Variants in NFATC1 observed in about 807,000 individuals in gnomAD.
NFATC1 encodes the protein nuclear factor of activated T cells 1, also known as nuclear factor of activated T-cells, cytoplasmic 1.
NFATC1 carries 22 observed loss-of-function variants against 76.0 expected under a neutral mutation model. The observed-to-expected ratio is 0.29, with a 90% CI of 0.21 to 0.41. The LOEUF (loss-of-function observed/expected upper bound fraction) is 0.41, where lower values mean the gene tolerates loss of function less well. NFATC1 is among the 10% of genes least tolerant of loss of function. NFATC1 has a pLI of 1.00. For synonymous variants in NFATC1, 704 were observed against 613.1 expected (o/e 1.15, Z -2.19); for missense variants, 1,357 against 1,337.7 (o/e 1.01, Z -0.23).
In NFATC1 at chr18:79,486,539, G is replaced by C; in HGVS notation, c.2384G>C (p.Gly795Ala). 6.3e-7 allele frequency: 1 copy of C among 1,597,704 alleles called. No homozygotes were observed. Among genetic ancestry groups the C allele is most frequent in the Non-Finnish European group, 8.5e-7 (1 of 1,177,364 alleles). ...HCHLGLPQPA[G>A]EAPAVQDVPR... ...CACCTCGGACTCCCGCAGCCGGCCG[G>C]AGAGGCCCCCGCCGTCCAGGACGTG... The change falls in exon 9 of 10, where the codon GGA becomes GCA. Residue 795 changes from glycine to alanine, a missense_variant. Gly to Ala is a moderately conservative substitution (Grantham distance 60, BLOSUM62 0). This residue lies in a region of NFATC1 where 424 missense variants were observed against 395.4 expected (regional missense o/e 1.07). Transcript: ENST00000427363.
At chr18:79,396,734 C>G (rs1264556463) in intron 1 of NFATC1, among the ~76,000 whole-genome samples, 2 of 151,938 alleles carry the variant, frequency 1.3e-5, no homozygotes, top group South Asian at 2.1e-4. Flanking sequence ...AAGGATGCCC[C>G]GTGTCTTCCT....
intron 2 of NFATC1, among the ~76,000 whole-genome samples, chr18:79,432,056 C>T (rs1029230768): frequency 1.6e-4 from 24 of 152,200 alleles, no homozygotes; most frequent in African/African-American, 5.8e-4. Context: ...GTGTGGGGGC[C>T]TTCGGGGGGC....
chr18:79,464,384 C>T (rs907003802), intron 7 of NFATC1, among the ~76,000 whole-genome samples: 4 of 152,146 alleles, frequency 2.6e-5, no homozygotes, highest in East Asian at 3.9e-4. Flanking sequence ...CGTGAGCCAC[C>T]GCGCCCGGCC....
At chr18:79,400,994 C>T (rs901104828) in intron 1 of NFATC1, among the ~76,000 whole-genome samples, 1 of 116,498 alleles carries the variant, frequency 8.6e-6, no homozygotes, top group East Asian at 2.5e-4. Flanking sequence ...GCAGACCCCC[C>T]CAAGCCTCCA....
chr18:79,527,242 GCATCGCGGCCGGCACCTGGCACCTGCA>G, intron 9 of NFATC1: 2 of 363,552 alleles, frequency 5.5e-6, no homozygotes, highest in South Asian at 8.1e-5. Context: ...CATCTTCCCA[GCATCGCGGCCGGCACCTGGCACCTGCA>G]CTTTGGCCGT....
At chr18:79,419,475 G>A (rs2085993343) in intron 2 of NFATC1, among the ~76,000 whole-genome samples, 2 of 148,658 alleles carry the variant, frequency 1.3e-5, no homozygotes, top group East Asian at 2.0e-4. Flanking sequence ...CTGCCTGCCC[G>A]GGAGCCCCCC....
intron 9 of NFATC1, among the ~76,000 whole-genome samples, chr18:79,518,160 G>C (rs1002855412): frequency 3.9e-5 from 6 of 152,254 alleles, no homozygotes; most frequent in African/African-American, 1.4e-4. Flanking sequence ...GACAGGGATG[G>C]AGCAGACTGC....
intron 2 of NFATC1, among the ~76,000 whole-genome samples, chr18:79,424,699 G>C (rs2086228522): frequency 7.1e-6 from 1 of 141,528 alleles, no homozygotes. Context: ...CTGTCTCTCT[G>C]TGTTTCTCTG....
At chr18:79,397,144 C>G (rs985625458) in intron 1 of NFATC1, among the ~76,000 whole-genome samples, 1 of 152,206 alleles carries the variant, frequency 6.6e-6, no homozygotes, top group Non-Finnish European at 1.5e-5. Context: ...AGCCCGTCCC[C>G]GGCACACACC....
intron 6 of NFATC1, 28 bp from the exon 7 acceptor site, chr18:79,461,281 TCA>T: frequency 6.2e-7 from 1 of 1,613,532 alleles, no homozygotes; most frequent in Non-Finnish European, 8.5e-7. Flanking sequence ...CCACACAGAG[TCA>T]CAGACGTTTC....
chr18:79,468,452 T>G (rs926642672), intron 8 of NFATC1: 1 of 152,234 alleles, frequency 6.6e-6, no homozygotes, highest in Non-Finnish European at 1.5e-5. Flanking sequence ...TACTGTATTT[T>G]GGGTAAGCTT....
intron 9 of NFATC1, among the ~76,000 whole-genome samples, chr18:79,514,256 A>G (rs578251070): frequency 1.2e-4 from 19 of 152,082 alleles, no homozygotes; most frequent in Non-Finnish European, 1.9e-4. Context: ...CTGGGGCAAC[A>G]TAGCAAGACC....
chr18:79,464,810 G>A (rs56018544), intron 7 of NFATC1, among the ~76,000 whole-genome samples: 45,355 of 148,746 alleles, frequency 0.3, 6,953 homozygotes, highest in East Asian at 0.36. Flanking sequence ...GGCTGAAGCA[G>A]TTCTCATGCC....
intron 1 of NFATC1, among the ~76,000 whole-genome samples, chr18:79,407,688 G>A (rs536263854): frequency 5.9e-5 from 9 of 152,084 alleles, no homozygotes; most frequent in Admixed American, 1.3e-4. Flanking sequence ...CAGATGATCC[G>A]CCCACCTCGG....
At chr18:79,433,882 C>G (rs964101495) in intron 3 of NFATC1, 144 bp downstream of exon 3, 1 of 914,978 alleles carries the variant, frequency 1.1e-6, no homozygotes, top group South Asian at 2.0e-5. Flanking sequence ...GGCTGCTCAC[C>G]GCCTCTGAGC....
At chr18:79,436,251 G>C (rs1205225712) in intron 3 of NFATC1, among the ~76,000 whole-genome samples, 1 of 152,260 alleles carries the variant, frequency 6.6e-6, no homozygotes, top group Non-Finnish European at 1.5e-5. Context: ...GCGCGAGGAC[G>C]AGGCCGTGGG....
intron 1 of NFATC1, among the ~76,000 whole-genome samples, chr18:79,402,169 G>A (rs139157786): frequency 0.012 from 1,807 of 152,330 alleles, 38 homozygotes; most frequent in African/African-American, 0.04. Context: ...CGCCGGCGGC[G>A]GCATCCTCCT....
intron 9 of NFATC1, among the ~76,000 whole-genome samples, chr18:79,507,177 C>T (rs901412791): frequency 2.6e-5 from 4 of 152,368 alleles, no homozygotes; most frequent in Admixed American, 2.0e-4. Flanking sequence ...AGTCTTCGCC[C>T]CAGACAGGCC....
At chr18:79,435,808 G>A (rs1034648885) in intron 3 of NFATC1, among the ~76,000 whole-genome samples, 1 of 152,190 alleles carries the variant, frequency 6.6e-6, no homozygotes, top group South Asian at 2.1e-4. Flanking sequence ...GCGCAGCAGC[G>A]ACACGGGAGA....
Sources: gnomAD v4.1 joint callset for allele counts (sites outside exome capture counted in the v4.1 genomes callset) on GRCh38, gnomAD v4.1.1 for gene constraint, gnomAD v4.1.1 regional missense constraint, MANE v1.5 for transcripts, NCBI Gene and HGNC (gene_info 2026-07-23, HGNC 2026-07-21) for gene names.